Variants in CYRIB observed in about 807,000 individuals in gnomAD.
The protein encoded by CYRIB is CYFIP-related Rac1 interactor B.
CYRIB carries 8 observed loss-of-function variants against 44.2 expected under a neutral mutation model. That is an observed-to-expected ratio of 0.18 (90% CI 0.11 to 0.33). CYRIB has a LOEUF of 0.33. CYRIB is among the 10% of genes least tolerant of loss of function. The pLI, the probability that CYRIB is intolerant of heterozygous loss-of-function variation, is 1.00. For missense variants in CYRIB, 185 were observed against 382.8 expected (o/e 0.48, Z 4.31); for synonymous variants, 131 against 127.2 (o/e 1.03, Z -0.20).
At chr8:129,914,027 T>C (rs1191414083) in intron 1 of CYRIB, among the ~76,000 whole-genome samples, 1 of 152,228 alleles carries the variant, frequency 6.6e-6, no homozygotes, top group Non-Finnish European at 1.5e-5. Flanking sequence ...ACCAATCATA[T>C]CACTTCTTTT....
rs80182141 is a variant in CYRIB at position 129,849,154 on chromosome 8, C to A, written c.840+89G>T. 621 of 1,267,402 alleles carry A rather than the reference C, an allele frequency of 4.9e-4. 1 individual carries two copies. The African/African-American group carries it at 8.3e-3, about 17-fold the overall frequency. 78.5% of individuals were successfully genotyped at this position (1,267,402 alleles called of 1,614,324 possible). On this transcript the variant is annotated intron_variant, in intron 10 of 11. Coordinates refer to ENST00000519824, the Ensembl canonical transcript of CYRIB. ...CTATAAATCTGAGTTTTGTGAGAGTCCGGTTTGCTGGCTCTTATCATAAAA... is the reference window on the plus strand; with the variant it reads ...CTATAAATCTGAGTTTTGTGAGAGTACGGTTTGCTGGCTCTTATCATAAAA...
At position 129,897,732 on chromosome 8, in the gene CYRIB, C is replaced by G. The variant is rs185993307; in HGVS notation, c.-11+5580G>C. Among the ~76,000 whole-genome samples the G allele has an allele frequency of 1.7e-3, 252 of 151,250 alleles. 1 individual carries two copies. Among genetic ancestry groups the G allele is most frequent in the African/African-American group, 5.9e-3 (244 of 41,178 alleles). On this transcript the variant is annotated intron_variant, in intron 2 of 11. Coordinates refer to ENST00000519824, the Ensembl canonical transcript of CYRIB. The stretch of plus-strand genomic sequence containing the variant: ...GGAGGATTGCTTGAGCCCAGGAGTT[C>G]GAGACCAGCCTGGGCAACATAGCGA...
chr8:129,926,801 A>G (rs2088036715), intron 1 of CYRIB, among the ~76,000 whole-genome samples: 1 of 152,250 alleles, frequency 6.6e-6, no homozygotes. Flanking sequence ...CATGATTGCA[A>G]ATAAAATTCT....
intron 1 of CYRIB, among the ~76,000 whole-genome samples, chr8:129,937,344 G>GTCAAGT (rs2092999021): frequency 6.6e-6 from 1 of 152,196 alleles, no homozygotes. Flanking sequence ...CTTAGAAAGA[G>GTCAAGT]TCAAGTAACC....
At chr8:129,868,818 A>C (rs2055303314) in intron 4 of CYRIB, 1 of 150,976 alleles carries the variant, frequency 6.6e-6, no homozygotes, top group Non-Finnish European at 1.5e-5. Context: ...AGAAAACACT[A>C]TTATTATTTT....
chr8:129,934,753 G>A (rs2092461525), intron 1 of CYRIB, among the ~76,000 whole-genome samples: 1 of 152,126 alleles, frequency 6.6e-6, no homozygotes, highest in Non-Finnish European at 1.5e-5. Flanking sequence ...CTGGGGGTCC[G>A]AAGGAATTCC....
upstream of CYRIB, among the ~76,000 whole-genome samples, chr8:129,942,727 C>T (rs2093806598): frequency 6.6e-6 from 1 of 152,186 alleles, no homozygotes; most frequent in Admixed American, 6.5e-5. Context: ...TTTTGTGAGT[C>T]CTTACAATGT....
chr8:129,874,725 T>C (rs1307887398), intron 3 of CYRIB, among the ~76,000 whole-genome samples: 1 of 152,124 alleles, frequency 6.6e-6, no homozygotes, highest in East Asian at 1.9e-4. Context: ...TATGATCCTA[T>C]ATCATTTTTG....
At chr8:129,849,121 T>C (rs2041955383) in intron 10 of CYRIB, 122 bp downstream of exon 12, 1 of 905,786 alleles carries the variant, frequency 1.1e-6, no homozygotes, top group Admixed American at 3.1e-5. Context: ...AGTCCACCAT[T>C]TCACAAACTA....
chr8:129,976,885 A>C (rs138522902), intron 1 of CYRIB, among the ~76,000 whole-genome samples: 8,525 of 152,030 alleles, frequency 0.056, 229 homozygotes, highest in Middle Eastern at 0.075. Flanking sequence ...TCTGTTGCCC[A>C]GGCTGGAGTG....
chr8:129,943,858 C>G (rs1446057085), upstream of CYRIB, among the ~76,000 whole-genome samples: 2 of 148,494 alleles, frequency 1.3e-5, no homozygotes, highest in East Asian at 4.0e-4. Context: ...CTCGGCCTCC[C>G]AAAGTGCTGG....
intron 4 of CYRIB, among the ~76,000 whole-genome samples, chr8:129,867,445 CA>C (rs1236068382): frequency 1.3e-5 from 2 of 149,248 alleles, no homozygotes; most frequent in South Asian, 2.1e-4. Flanking sequence ...TTAAAATTTA[CA>C]AAAAAAAAGT....
intron 2 of CYRIB, among the ~76,000 whole-genome samples, chr8:129,900,693 T>A (rs751007430): frequency 5.9e-5 from 9 of 152,202 alleles, no homozygotes; most frequent in Non-Finnish European, 1.3e-4. Context: ...GAGGGTGTTT[T>A]TTTTGAGACA....
At chr8:129,972,500 C>A (rs1296735497) in intron 1 of CYRIB, among the ~76,000 whole-genome samples, 2 of 152,086 alleles carry the variant, frequency 1.3e-5, no homozygotes, top group African/African-American at 4.8e-5. Flanking sequence ...TCACTTGAGC[C>A]CAGGAGGTCG....
At chr8:130,012,656 G>GGA (rs2134560124) in intron 1 of CYRIB, among the ~76,000 whole-genome samples, 1 of 152,292 alleles carries the variant, frequency 6.6e-6, no homozygotes, top group Admixed American at 6.5e-5. Flanking sequence ...CAAAGAGAAA[G>GGA]GAAGTATCTT....
intron 3 of CYRIB, among the ~76,000 whole-genome samples, chr8:129,878,503 T>A (rs1173255694): frequency 6.6e-6 from 1 of 152,200 alleles, no homozygotes; most frequent in Non-Finnish European, 1.5e-5. Flanking sequence ...TTCTAACACT[T>A]AAAAATATAA....
At chr8:129,918,968 G>A (rs544091951) in intron 1 of CYRIB, among the ~76,000 whole-genome samples, 1 of 152,134 alleles carries the variant, frequency 6.6e-6, no homozygotes, top group Non-Finnish European at 1.5e-5. Context: ...TAAATAAAGA[G>A]ACTTCAAATG....
At chr8:129,840,403 GA>G (rs1270697962) in exon 12 of CYRIB, 1 of 152,194 alleles carries the variant, frequency 6.6e-6, no homozygotes, top group Non-Finnish European at 1.5e-5. Context: ...GCTAGTCATT[GA>G]ATTTAGGGCC....
chr8:129,944,929 T>C (rs1188305851), intron 2 of CYRIB, among the ~76,000 whole-genome samples: 1 of 152,272 alleles, frequency 6.6e-6, no homozygotes, highest in African/African-American at 2.4e-5. Context: ...TATTTCATCA[T>C]ACTGAAATAC....
Sources: gnomAD v4.1 joint callset for allele counts (sites outside exome capture counted in the v4.1 genomes callset) on GRCh38, gnomAD v4.1.1 for gene constraint, MANE v1.5 for transcripts, NCBI Gene and HGNC (gene_info 2026-07-23, HGNC 2026-07-21) for gene names.